KCNK1: variants seen among roughly 807,000 people sequenced by gnomAD.
KCNK1 encodes the protein potassium two pore domain channel subfamily K member 1.
KCNK1 carries 10 observed loss-of-function variants against 22.2 expected under a neutral mutation model. The ratio of observed to expected loss-of-function variants is 0.45; its 90% CI spans 0.28 to 0.76. The LOEUF (loss-of-function observed/expected upper bound fraction) is 0.76. Among genes scored for constraint, KCNK1 ranks in the 30% least tolerant of loss-of-function variants. The pLI, the probability that KCNK1 is intolerant of heterozygous loss-of-function variation, is 0.14. For synonymous variants in KCNK1, 200 were observed against 186.4 expected, an observed-to-expected ratio of 1.07 and a Z score of -0.60; for missense variants, 378 against 421.0, an observed-to-expected ratio of 0.90 and a Z score of 0.89.
chr1:233,614,136 T>C lies in KCNK1; in HGVS notation c.-36T>C. 7.9e-7 allele frequency: 1 copy of C among 1,260,086 alleles called. No individual in the cohort carries two copies. The highest frequency in any genetic ancestry group is 1.0e-6 in the Non-Finnish European group (1 of 975,956). The allele number at this position is 1,260,086 out of a possible 1,614,324, so 78.1% of individuals were successfully genotyped here. The stretch of plus-strand genomic sequence containing the variant: ...AGGCGGCGGGCCGCGCTCCGGCCGG[T>C]CTGCGGCGTTGGCCTTGGCGGCGGC... On this transcript the variant is annotated 5_prime_UTR_variant, in exon 1 of 3. Transcript: ENST00000366621.
At chr1:233,655,602 G>A (rs1157380243) in intron 1 of KCNK1, 1 of 152,218 alleles carries the variant, frequency 6.6e-6, no homozygotes, top group Non-Finnish European at 1.5e-5. Flanking sequence ...GTATCAGGAG[G>A]TAGAGCCTTT....
At chr1:233,652,030 C>T (rs1658209404) in intron 1 of KCNK1, among the ~76,000 whole-genome samples, 1 of 152,176 alleles carries the variant, frequency 6.6e-6, no homozygotes, top group Non-Finnish European at 1.5e-5. Flanking sequence ...GTAGCCTTTA[C>T]CTGAGAGTAA....
intron 1 of KCNK1, among the ~76,000 whole-genome samples, chr1:233,614,884 C>A (rs1657459329): frequency 1.3e-5 from 2 of 152,190 alleles, no homozygotes; most frequent in Non-Finnish European, 2.9e-5. Flanking sequence ...TTTCGCAACC[C>A]ACTAAGCCAA....
chr1:233,617,053 TTTTTC>T (rs1571886725), intron 1 of KCNK1, among the ~76,000 whole-genome samples: 1 of 152,130 alleles, frequency 6.6e-6, no homozygotes, highest in Non-Finnish European at 1.5e-5. Context: ...GTGCTTTTTT[TTTTTC>T]TTTTCTTAAC....
Position 233,614,460 on chromosome 1 carries a change from T to G in KCNK1, c.289T>G (p.Ser97Ala). 6.2e-7 allele frequency: 1 copy of G among 1,613,252 alleles called. No individual in the cohort carries two copies. The highest frequency in any genetic ancestry group is 8.5e-7 in the Non-Finnish European group (1 of 1,179,720). The change falls in exon 1 of 3, where the codon TCG becomes GCG. Residue 97 changes from serine (S) to alanine (A), a missense_variant. Ser to Ala is a moderately conservative substitution (Grantham distance 99, BLOSUM62 1). Transcript: ENST00000366621. Reference sequence around the variant, plus strand: ...CGGCGTGTCGGTGCTCAGCAACGCCTCGGGCAACTGGAACTGGGACTTCAC... The same window carrying G: ...CGGCGTGTCGGTGCTCAGCAACGCCGCGGGCAACTGGAACTGGGACTTCAC... ...NYGVSVLSNA[S>A]GNWNWDFTSA...
At chr1:233,664,794 G>A (rs564816559) in intron 1 of KCNK1, among the ~76,000 whole-genome samples, 18 of 152,290 alleles carry the variant, frequency 1.2e-4, no homozygotes, top group African/African-American at 4.3e-4. Flanking sequence ...TGCAACTAAG[G>A]AGTTTGTTTA....
At chr1:233,653,405 T>C (rs1474421095) in intron 1 of KCNK1, among the ~76,000 whole-genome samples, 2 of 152,206 alleles carry the variant, frequency 1.3e-5, no homozygotes, top group Non-Finnish European at 2.9e-5. Context: ...CCCTGACTGA[T>C]GGTTAATTGT....
At chr1:233,661,961 T>G (rs574504979) in intron 1 of KCNK1, 1 of 152,198 alleles carries the variant, frequency 6.6e-6, no homozygotes, top group Non-Finnish European at 1.5e-5. Context: ...CATGTGACAT[T>G]GAAGTCACTA....
At chr1:233,630,002 G>T (rs1657763322) in intron 1 of KCNK1, 1 of 152,160 alleles carries the variant, frequency 6.6e-6, no homozygotes, top group Admixed American at 6.5e-5. Context: ...AACAACCCCA[G>T]TTCTGTGTCT....
chr1:233,629,444 TAGAG>T (rs1657750752), intron 1 of KCNK1: 2 of 152,234 alleles, frequency 1.3e-5, no homozygotes, highest in African/African-American at 2.4e-5. Context: ...AGCCTTGCCT[TAGAG>T]AGACCGTGAG....
chr1:233,656,132 C>T (rs938047585), intron 1 of KCNK1, among the ~76,000 whole-genome samples: 10 of 152,150 alleles, frequency 6.6e-5, no homozygotes, highest in African/African-American at 2.2e-4. Context: ...CAAGTGTCAT[C>T]CAAAGGACCA....
At chr1:233,646,940 C>T (rs935895166) in intron 1 of KCNK1, among the ~76,000 whole-genome samples, 6 of 152,092 alleles carry the variant, frequency 3.9e-5, no homozygotes, top group African/African-American at 1.4e-4. Flanking sequence ...TGAGGGGAAG[C>T]GAGTGCATTT....
At chr1:233,617,880 T>G (rs1015891258) in intron 1 of KCNK1, among the ~76,000 whole-genome samples, 5 of 152,036 alleles carry the variant, frequency 3.3e-5, no homozygotes, top group African/African-American at 9.7e-5. Flanking sequence ...CAGTGAGCTG[T>G]GATTGAGCCA....
chr1:233,666,554 G>C, intron 1 of KCNK1, 41 bp from the exon 2 acceptor site: 3 of 1,549,224 alleles, frequency 1.9e-6, no homozygotes, highest in Non-Finnish European at 1.7e-6. Flanking sequence ...TTGCCACTTT[G>C]TCTCTTCCTC....
intron 1 of KCNK1, among the ~76,000 whole-genome samples, chr1:233,639,658 T>C (rs1433028518): frequency 6.6e-6 from 1 of 152,242 alleles, no homozygotes; most frequent in African/African-American, 2.4e-5. Flanking sequence ...GGGAGAGAGT[T>C]GATGCTTCTT....
chr1:233,626,920 A>G (rs561147932), intron 1 of KCNK1, among the ~76,000 whole-genome samples: 208 of 152,250 alleles, frequency 1.4e-3, no homozygotes, highest in African/African-American at 4.8e-3. Context: ...TATCTCCAGT[A>G]CTCTTTTAAG....
At chr1:233,670,826 G>A (rs969250780) in intron 2 of KCNK1, among the ~76,000 whole-genome samples, 1 of 152,164 alleles carries the variant, frequency 6.6e-6, no homozygotes, top group African/African-American at 2.4e-5. Flanking sequence ...AGTATTGAGT[G>A]CTTAAAATCT....
intron 1 of KCNK1, among the ~76,000 whole-genome samples, chr1:233,628,598 T>C (rs895108956): frequency 4.6e-5 from 7 of 151,994 alleles, no homozygotes; most frequent in African/African-American, 1.7e-4. Context: ...TCATCTCTAC[T>C]AAAATTCAAA....
intron 1 of KCNK1, among the ~76,000 whole-genome samples, chr1:233,625,484 G>A (rs562947199): frequency 1.3e-5 from 2 of 152,250 alleles, no homozygotes; most frequent in South Asian, 4.2e-4. Context: ...GGCTAGCCTG[G>A]GGGAGGATGA....
Sources: allele counts gnomAD v4.1 joint callset (sites outside exome capture counted in the v4.1 genomes callset), GRCh38; gene constraint gnomAD v4.1.1; transcripts MANE v1.5; gene names NCBI Gene and HGNC (gene_info 2026-07-23, HGNC 2026-07-21).